The following DLG2 variants were observed in gnomAD, a reference collection of about 807,000 sequenced individuals.
The protein encoded by DLG2 is disks large homolog 2.
DLG2 carries 45 observed loss-of-function variants against 132.5 expected under a neutral mutation model. The ratio of observed to expected loss-of-function variants is 0.34; its 90% CI spans 0.27 to 0.44. The LOEUF (loss-of-function observed/expected upper bound fraction) is 0.44, where lower values mean the gene tolerates loss of function less well. Ranked by LOEUF, DLG2 falls within the 20% of genes least tolerant of loss-of-function variation. The pLI is 1.00. For synonymous variants in DLG2, 424 were observed against 419.6 expected (o/e 1.01, Z -0.13); for missense variants, 1,045 against 1,196.9 (o/e 0.87, Z 1.87).
intron 17 of DLG2, among the ~76,000 whole-genome samples, chr11:83,830,937 C>T (rs1051368214): frequency 2.6e-5 from 4 of 152,072 alleles, no homozygotes; most frequent in South Asian, 2.1e-4. Flanking sequence ...CAAAGTGGTC[C>T]GCAAGTATAC....
chr11:84,847,425 T>A (rs2081613580), intron 6 of DLG2, among the ~76,000 whole-genome samples: 1 of 152,154 alleles, frequency 6.6e-6, no homozygotes, highest in African/African-American at 2.4e-5. Context: ...AATTGTCCAG[T>A]TTGTTTTGGA....
chr11:83,637,265 T>C (rs1654797006), intron 18 of DLG2, among the ~76,000 whole-genome samples: 1 of 152,188 alleles, frequency 6.6e-6, no homozygotes, highest in South Asian at 2.1e-4. Flanking sequence ...TCTATGCCTG[T>C]CCCTTTGGAA....
intron 6 of DLG2, among the ~76,000 whole-genome samples, chr11:84,835,227 A>C (rs2079585298): frequency 6.6e-6 from 1 of 151,646 alleles, no homozygotes; most frequent in Non-Finnish European, 1.5e-5. Flanking sequence ...TTGTTTTGAA[A>C]ATTTTTTTAA....
At chr11:84,960,168 C>A (rs893901408) in intron 6 of DLG2, among the ~76,000 whole-genome samples, 8 of 152,146 alleles carry the variant, frequency 5.3e-5, no homozygotes, top group Non-Finnish European at 1.0e-4. Flanking sequence ...GGATTTGAAC[C>A]TACTTCTACT....
At chr11:84,432,973 G>A (rs2154473891) in intron 7 of DLG2, among the ~76,000 whole-genome samples, 1 of 152,228 alleles carries the variant, frequency 6.6e-6, no homozygotes, top group East Asian at 1.9e-4. Flanking sequence ...TCAGTGAGCT[G>A]AGATCACATC....
At chr11:85,590,651 CTATA>C (rs67069486) in intron 3 of DLG2, among the ~76,000 whole-genome samples, 9 of 148,764 alleles carry the variant, frequency 6.0e-5, no homozygotes, top group Non-Finnish European at 1.0e-4. Flanking sequence ...CTCTCTCTCT[CTATA>C]TATATATATA....
chr11:83,743,110 C>T (rs950693467), intron 18 of DLG2, among the ~76,000 whole-genome samples: 1 of 152,120 alleles, frequency 6.6e-6, no homozygotes, highest in African/African-American at 2.4e-5. Flanking sequence ...TCTTCTTAGG[C>T]CAGGTCATAG....
At chr11:84,683,956 A>G (rs1335603694) in intron 6 of DLG2, among the ~76,000 whole-genome samples, 2 of 152,214 alleles carry the variant, frequency 1.3e-5, no homozygotes, top group Non-Finnish European at 2.9e-5. Context: ...TCAGGAACAA[A>G]GCATCTTGAA....
chr11:84,329,752 C>G (rs770014136), intron 7 of DLG2, among the ~76,000 whole-genome samples: 1 of 152,188 alleles, frequency 6.6e-6, no homozygotes, highest in Non-Finnish European at 1.5e-5. Flanking sequence ...AGAACATTTT[C>G]ATTGTTGCAT....
At chr11:83,801,477 T>G (rs989585587) in intron 17 of DLG2, among the ~76,000 whole-genome samples, 1 of 152,242 alleles carries the variant, frequency 6.6e-6, no homozygotes, top group Admixed American at 6.5e-5. Flanking sequence ...TATTCCACTC[T>G]GTCTTCTTTA....
At chr11:84,995,889 C>A (rs183529067) in intron 6 of DLG2, among the ~76,000 whole-genome samples, 1 of 152,072 alleles carries the variant, frequency 6.6e-6, no homozygotes, top group Non-Finnish European at 1.5e-5. Flanking sequence ...ACAGAGATAC[C>A]TGCTTCATTC....
At chr11:83,753,265 A>G (rs1184552261) in intron 18 of DLG2, among the ~76,000 whole-genome samples, 1 of 151,954 alleles carries the variant, frequency 6.6e-6, no homozygotes, top group African/African-American at 2.4e-5. Context: ...TCTACTAAAA[A>G]TACCAAAATT....
chr11:85,599,153 TC>T (rs1439692021), intron 2 of DLG2, among the ~76,000 whole-genome samples: 1 of 152,064 alleles, frequency 6.6e-6, no homozygotes, highest in East Asian at 1.9e-4. Flanking sequence ...GAGGCCTCCC[TC>T]CCATGATCAA....
At chr11:84,827,707 C>T in intron 6 of DLG2, among the ~76,000 whole-genome samples, 1 of 122,088 alleles carries the variant, frequency 8.2e-6, no homozygotes, top group African/African-American at 3.4e-5. Flanking sequence ...AAGCCCAGGT[C>T]AGAAATACAA....
intron 3 of DLG2, among the ~76,000 whole-genome samples, chr11:85,597,407 C>A (rs2079845887): frequency 6.6e-6 from 1 of 151,886 alleles, no homozygotes; most frequent in African/African-American, 2.4e-5. Flanking sequence ...AAAATGTTCT[C>A]AAAAATATTA....
At chr11:83,739,964 G>A (rs577634085) in intron 18 of DLG2, among the ~76,000 whole-genome samples, 1 of 152,298 alleles carries the variant, frequency 6.6e-6, no homozygotes, top group African/African-American at 2.4e-5. Context: ...GCAAATTTTA[G>A]AGGAATGAGG....
chr11:83,802,691 C>T (rs1039534305), intron 17 of DLG2, among the ~76,000 whole-genome samples: 1 of 151,844 alleles, frequency 6.6e-6, no homozygotes, highest in Non-Finnish European at 1.5e-5. Flanking sequence ...AAAGCAACAG[C>T]ATACATGTCT....
chr11:83,873,535 T>G (rs2063896894), intron 16 of DLG2, among the ~76,000 whole-genome samples: 1 of 152,208 alleles, frequency 6.6e-6, no homozygotes. Context: ...TTTTGCCATC[T>G]GCCATGATTG....
intron 6 of DLG2, among the ~76,000 whole-genome samples, chr11:85,034,078 ATTTT>A (rs10719469): frequency 7.3e-6 from 1 of 137,880 alleles, no homozygotes. Flanking sequence ...GATATATTAG[ATTTT>A]TTTTTTTTTT....
Sources: gnomAD v4.1 joint callset for allele counts (sites outside exome capture counted in the v4.1 genomes callset) on GRCh38, gnomAD v4.1.1 for gene constraint, MANE v1.5 for transcripts, NCBI Gene and HGNC (gene_info 2026-07-23, HGNC 2026-07-21) for gene names.